TESC: variants seen among roughly 807,000 people sequenced by gnomAD.
TESC encodes calcineurin B homologous protein 3.
TESC carries 19 observed loss-of-function variants against 31.0 expected under a neutral mutation model. The ratio of observed to expected loss-of-function variants is 0.61; its 90% CI spans 0.43 to 0.90. The LOEUF (loss-of-function observed/expected upper bound fraction) is 0.90. TESC is among the 40% of genes least tolerant of loss of function. The probability of loss-of-function intolerance (pLI) is 0.00; values close to 1 mark genes in which losing one functional copy is unlikely to be tolerated. For missense variants in TESC, 248 were observed against 303.8 expected, an observed-to-expected ratio of 0.82 and a Z score of 1.36; for synonymous variants, 109 against 114.8, an observed-to-expected ratio of 0.95 and a Z score of 0.32.
intron 2 of TESC, among the ~76,000 whole-genome samples, chr12:117,067,591 C>T (rs1470740616): frequency 2.0e-5 from 3 of 152,022 alleles, no homozygotes; most frequent in African/African-American, 7.2e-5. Context: ...AAAAAGTGGT[C>T]ATATCATAGA....
At chr12:117,072,731 C>T (rs570831986) in intron 2 of TESC, among the ~76,000 whole-genome samples, 45 of 152,226 alleles carry the variant, frequency 3.0e-4, no homozygotes, top group Non-Finnish European at 5.4e-4. Context: ...AGCTCCATAG[C>T]GGCTGCAGCT....
chr12:117,048,419 A>T (rs551090589), intron 4 of TESC, among the ~76,000 whole-genome samples: 1 of 152,248 alleles, frequency 6.6e-6, no homozygotes, highest in East Asian at 1.9e-4. Context: ...ACACAGAGGG[A>T]TGTCAGGAGT....
At chr12:117,058,397 G>A (rs1231394541) in intron 2 of TESC, among the ~76,000 whole-genome samples, 1 of 152,116 alleles carries the variant, frequency 6.6e-6, no homozygotes, top group Non-Finnish European at 1.5e-5. Flanking sequence ...GGGGAGAGGG[G>A]AATGTGGTGT....
intron 2 of TESC, among the ~76,000 whole-genome samples, chr12:117,072,268 T>A (rs1388587381): frequency 1.3e-5 from 2 of 152,080 alleles, no homozygotes; most frequent in Non-Finnish European, 2.9e-5. Context: ...GCACCTGCTT[T>A]TTTTTCCCCC....
intron 2 of TESC, among the ~76,000 whole-genome samples, chr12:117,066,505 G>A (rs1954885533): frequency 6.6e-6 from 1 of 151,556 alleles, no homozygotes; most frequent in African/African-American, 2.4e-5. Context: ...CCGAGTAACT[G>A]GAACCACAGG....
chr12:117,076,520 T>C (rs568713022), intron 1 of TESC, among the ~76,000 whole-genome samples: 5 of 152,076 alleles, frequency 3.3e-5, no homozygotes, highest in Admixed American at 1.3e-4. Context: ...TCTCAGCTCA[T>C]TGCCACCTCT....
chr12:117,078,904 G>A (rs993663516), intron 1 of TESC, among the ~76,000 whole-genome samples: 1 of 152,192 alleles, frequency 6.6e-6, no homozygotes, highest in African/African-American at 2.4e-5. Context: ...GGATGGCTGA[G>A]GGATCTCATA....
chr12:117,081,912 A>G (rs894570586), intron 1 of TESC, among the ~76,000 whole-genome samples: 2 of 151,062 alleles, frequency 1.3e-5, no homozygotes, highest in Non-Finnish European at 3.0e-5. Flanking sequence ...TCTCAAAAAG[A>G]AAAAAAAAGA....
At chr12:117,080,260 G>C (rs1007477097) in intron 1 of TESC, among the ~76,000 whole-genome samples, 3 of 152,176 alleles carry the variant, frequency 2.0e-5, no homozygotes, top group Non-Finnish European at 2.9e-5. Flanking sequence ...TTGAGGCCAG[G>C]AGTTCGAGAC....
intron 1 of TESC, among the ~76,000 whole-genome samples, chr12:117,094,126 G>A (rs919028106): frequency 1.3e-5 from 2 of 152,308 alleles, no homozygotes; most frequent in South Asian, 2.1e-4. Context: ...CCCCCGGGAC[G>A]CCTTCGCTCG....
At chr12:117,095,065 GTTTGTTTTTTCTTGTT>G (rs892574546) in intron 1 of TESC, among the ~76,000 whole-genome samples, 3 of 151,334 alleles carry the variant, frequency 2.0e-5, no homozygotes, top group African/African-American at 7.3e-5. Context: ...AAAGGTTTGA[GTTTGTTTTTTCTTGTT>G]TTTGTTTTTT....
intron 1 of TESC, among the ~76,000 whole-genome samples, chr12:117,098,042 T>C (rs1486569931): frequency 1.3e-5 from 2 of 152,026 alleles, no homozygotes; most frequent in African/African-American, 2.4e-5. Flanking sequence ...TTATTAATGG[T>C]TTTCTGCAAT....
intron 2 of TESC, among the ~76,000 whole-genome samples, chr12:117,074,367 C>CA (rs1465646732): frequency 6.6e-6 from 1 of 151,906 alleles, no homozygotes; most frequent in Non-Finnish European, 1.5e-5. Flanking sequence ...GACCGTGTCT[C>CA]AAAAAAATTA....
intron 4 of TESC, chr12:117,048,712 G>C (rs1472079968): frequency 3.7e-6 from 2 of 538,840 alleles, no homozygotes; most frequent in South Asian, 3.1e-5. Flanking sequence ...AAGGTCACAT[G>C]GCTGGTGAGA....
chr12:117,061,358 G>A (rs964167858), intron 2 of TESC, among the ~76,000 whole-genome samples: 1 of 152,116 alleles, frequency 6.6e-6, no homozygotes, highest in African/African-American at 2.4e-5. Flanking sequence ...CCATCCTGAG[G>A]CACTGCCCTT....
chr12:117,059,711 G>T (rs971286371), intron 2 of TESC, among the ~76,000 whole-genome samples: 2 of 152,098 alleles, frequency 1.3e-5, no homozygotes, highest in Non-Finnish European at 2.9e-5. Flanking sequence ...TCCTGCCTCA[G>T]CCTCCCGAGT....
rs75082601 is a variant in TESC at position 117,088,125 on chromosome 12, C to T, written c.58+11100G>A. Among the ~76,000 whole-genome samples, 361 of 152,250 alleles carry T rather than the reference C, an allele frequency of 2.4e-3. 2 individuals are homozygous for T. Among genetic ancestry groups the T allele is most frequent in the Non-Finnish European group, 4.5e-3 (303 of 68,026 alleles). On this transcript the variant is annotated intron_variant, in intron 1 of 7. Transcript: ENST00000335209. The stretch of plus-strand genomic sequence containing the variant: ...TAGATTCTATTTGCATAGCCATTGG[C>T]TAGGCTGTATGCCCAAACTGAGGAG...
rs781468139 is a variant in TESC at position 117,099,341 on chromosome 12, G to T, written c.-59C>A. 3.7e-6 allele frequency: 5 copies of T among 1,355,290 alleles called. No homozygotes were observed. Among genetic ancestry groups the T allele is most frequent in the Non-Finnish European group, 4.7e-6 (5 of 1,055,016 alleles). 84.0% of individuals were successfully genotyped at this position (1,355,290 alleles called of 1,614,324 possible). A position where few individuals can be genotyped will look rare whatever the true frequency, so the allele number is the denominator to read the frequency against. ...CCTCTCAGGCCCCGCACTGGCTTCG[G>T]CTGCGCAGCGGCGGGACTGGCCTCG... On this transcript the variant is annotated 5_prime_UTR_variant, in exon 1 of 8. Transcript: ENST00000335209.
chr12:117,059,405 G>A (rs1160723758), intron 2 of TESC, among the ~76,000 whole-genome samples: 1 of 152,196 alleles, frequency 6.6e-6, no homozygotes, highest in African/African-American at 2.4e-5. Flanking sequence ...GCCAAACTCA[G>A]TAGCTGTGTC....
Sources: allele counts gnomAD v4.1 joint callset (sites outside exome capture counted in the v4.1 genomes callset), GRCh38; gene constraint gnomAD v4.1.1; transcripts MANE v1.5; gene names NCBI Gene and HGNC (gene_info 2026-07-23, HGNC 2026-07-21).